RBBP6: variants seen among roughly 807,000 people sequenced by gnomAD.
RBBP6 encodes E3 ubiquitin-protein ligase RBBP6.
RBBP6 carries 25 observed loss-of-function variants against 167.7 expected under a neutral mutation model. That is an observed-to-expected ratio of 0.15 (90% CI 0.11 to 0.21). The LOEUF (loss-of-function observed/expected upper bound fraction) is 0.21. Ranked by LOEUF, RBBP6 falls within the 10% of genes least tolerant of loss-of-function variation. The pLI, the probability that RBBP6 is intolerant of heterozygous loss-of-function variation, is 1.00. For synonymous variants in RBBP6, 789 were observed against 735.8 expected, an observed-to-expected ratio of 1.07 and a Z score of -1.17; for missense variants, 1,868 against 2,134.2, an observed-to-expected ratio of 0.88 and a Z score of 2.46.
At chr16:24,541,712 C>G (rs2049127231) in intron 1 of RBBP6, among the ~76,000 whole-genome samples, 1 of 152,154 alleles carries the variant, frequency 6.6e-6, no homozygotes, top group Non-Finnish European at 1.5e-5. Flanking sequence ...TGACTCTGAA[C>G]TTGTTTTGGT....
At position 24,561,952 on chromosome 16, in the gene RBBP6, T is replaced by G; in HGVS notation, c.1080T>G (p.Ser360=). ...IQRNLQPLMR[S]PISRQQDPLM... ...GGAACCTACAACCTCTGATGAGATC[T>G]CCGATATCAAGACAACAAGATCCTC... The change falls in exon 10 of 18, where the codon TCT becomes TCG. Residue 360 remains serine, a synonymous_variant. Transcript: ENST00000319715. The G allele has an allele frequency of 6.2e-7, 1 of 1,613,252 alleles. No homozygotes were observed. Among genetic ancestry groups the G allele is most frequent in the South Asian group, 1.1e-5 (1 of 91,008 alleles).
At chr16:24,540,923 TC>T in intron 1 of RBBP6, 131 bp downstream of exon 1, 1 of 1,119,800 alleles carries the variant, frequency 8.9e-7, no homozygotes, top group South Asian at 1.9e-5. Flanking sequence ...GATACAACTT[TC>T]ATTGATAGCC....
In RBBP6 at chr16:24,552,377, C is replaced by CT. The variant is rs1295083200; in HGVS notation, c.304-1130dup. Reference sequence around the variant, plus strand: ...TCTGGAACAGAATACCTGATGAAGACTTTTTTCTTTGATCCAGACATCTTG... The same window carrying CT: ...TCTGGAACAGAATACCTGATGAAGACTTTTTTTCTTTGATCCAGACATCTTG... On this transcript the variant is annotated intron_variant, in intron 3 of 17. Transcript: ENST00000319715. Among the ~76,000 whole-genome samples the CT allele has an allele frequency of 7.2e-5, 11 of 151,816 alleles. No individual in the cohort carries two copies. The South Asian group carries it at 8.3e-4, about 11-fold the overall frequency.
Position 24,540,292 on chromosome 16 carries a change from C to T in RBBP6, c.-335C>T. The T allele has an allele frequency of 4.2e-6, 1 of 238,162 alleles. No individual in the cohort carries two copies. Among genetic ancestry groups the T allele is most frequent in the Non-Finnish European group, 8.4e-6 (1 of 119,346 alleles). 14.8% of individuals were successfully genotyped at this position (238,162 alleles called of 1,614,324 possible). ...CGTGTGGACTGACCGCTACTGACTG[C>T]ACCGCCAATCCCCCCGTCTCTGCCG... On this transcript the variant is annotated 5_prime_UTR_variant, in exon 1 of 18. Transcript: ENST00000319715.
chr16:24,568,953 C>A lies in RBBP6; in HGVS notation c.2263C>A (p.Arg755=). 6.2e-7 allele frequency: 1 copy of A among 1,614,046 alleles called. No individual in the cohort carries two copies. Among genetic ancestry groups the A allele is most frequent in the Non-Finnish European group, 8.5e-7 (1 of 1,179,896 alleles). Residue 755 remains arginine (R), a synonymous_variant, in exon 17 of 18, where the codon CGA becomes AGA. Transcript: ENST00000319715. The part of the protein sequence containing the change: ...RSRSRSHGYH[R]SRSRSPPYRR... ...ACGGTCTAGATCTCATGGATATCATCGATCTAGGTCAAGGTCACCCCCTTA... is the reference window on the plus strand; with the variant it reads ...ACGGTCTAGATCTCATGGATATCATAGATCTAGGTCAAGGTCACCCCCTTA...
intron 14 of RBBP6, among the ~76,000 whole-genome samples, chr16:24,566,176 T>A (rs1899190622): frequency 6.6e-6 from 1 of 152,346 alleles, no homozygotes; most frequent in South Asian, 2.1e-4. Flanking sequence ...TATTCATGGC[T>A]CACTGAAAAG....
chr16:24,543,608 A>G (rs1015908854), intron 1 of RBBP6, among the ~76,000 whole-genome samples: 3 of 151,942 alleles, frequency 2.0e-5, no homozygotes, highest in Non-Finnish European at 4.4e-5. Context: ...CTGGCATAGG[A>G]CCCTTAAATC....
chr16:24,561,141 C>T (rs2141470824), intron 8 of RBBP6, among the ~76,000 whole-genome samples: 1 of 152,154 alleles, frequency 6.6e-6, no homozygotes, highest in Non-Finnish European at 1.5e-5. Flanking sequence ...AAATTTTTGT[C>T]TTTCTAGACT....
rs759172306 is a variant in RBBP6 at position 24,570,363 on chromosome 16, A to G, written c.3673A>G (p.Ile1225Val). 6 of 1,613,226 alleles carry G rather than the reference A, an allele frequency of 3.7e-6. No homozygotes were observed. The highest frequency in any genetic ancestry group is 2.2e-5 in the South Asian group (2 of 90,788). Residue 1225 changes from isoleucine (I) to valine (V), a missense_variant, in exon 17 of 18, where the codon ATA becomes GTA. Transcript: ENST00000319715. The stretch of plus-strand genomic sequence containing the variant: ...GAAGAAAATTGGAAGTACAGAAAAT[A>G]TATCAAACACAAAAGAACCCTCTGA... ...TGKKIGSTEN[I>V]SNTKEPSEKL...
intron 8 of RBBP6, among the ~76,000 whole-genome samples, chr16:24,561,087 C>A (rs976796959): frequency 6.6e-6 from 1 of 152,118 alleles, no homozygotes; most frequent in Admixed American, 6.5e-5. Flanking sequence ...TGCTGTAGGT[C>A]TCTCATTTCC....
chr16:24,554,679 T>C (rs1424421591), intron 4 of RBBP6: 1 of 152,086 alleles, frequency 6.6e-6, no homozygotes, highest in Non-Finnish European at 1.5e-5. Flanking sequence ...TTTATTCTTA[T>C]GTACTGTAAG....
At chr16:24,560,482 T>C (rs1429271364) in intron 8 of RBBP6, among the ~76,000 whole-genome samples, 1 of 152,228 alleles carries the variant, frequency 6.6e-6, no homozygotes, top group African/African-American at 2.4e-5. Flanking sequence ...CACTTAGTTG[T>C]TTCCTGCCAC....
intron 2 of RBBP6, 115 bp downstream of exon 2, chr16:24,546,377 T>G: frequency 1.7e-6 from 2 of 1,206,108 alleles, no homozygotes; most frequent in South Asian, 4.1e-5. Flanking sequence ...AATGAATACA[T>G]CTTCTCAAGA....
intron 16 of RBBP6, among the ~76,000 whole-genome samples, 176 bp from the exon 17 acceptor site, chr16:24,568,569 G>A (rs112426627): frequency 4.8e-4 from 73 of 152,238 alleles, no homozygotes; most frequent in African/African-American, 1.7e-3. Context: ...TGATTGCTCC[G>A]ATTTGTGTAC....
intron 7 of RBBP6, among the ~76,000 whole-genome samples, chr16:24,557,230 C>T (rs564712998): frequency 1.4e-4 from 21 of 152,158 alleles, no homozygotes; most frequent in Non-Finnish European, 2.8e-4. Context: ...GCTCCACCCG[C>T]CTCGGCCTCT....
intron 14 of RBBP6, among the ~76,000 whole-genome samples, chr16:24,566,002 C>T (rs146418093): frequency 6.6e-6 from 1 of 152,282 alleles, no homozygotes; most frequent in Non-Finnish European, 1.5e-5. Context: ...GAAGTCAAGG[C>T]TGCAGTGAGC....
At chr16:24,559,379 T>C (rs971475232) in intron 7 of RBBP6, 126 bp from the exon 8 acceptor site, 8 of 626,918 alleles carry the variant, frequency 1.3e-5, no homozygotes, top group South Asian at 5.2e-5. Flanking sequence ...TTAGAAGATA[T>C]GGTGCTTGTC....
rs748441167 is a variant in RBBP6, at chr16:24,570,193, C to T, written c.3503C>T (p.Ser1168Leu). ...TTTGAGTCTTCTTCAATGAAAATCT[C>T]GAAACTAGAAGTGACTGAAATAGTG... ...KDFESSSMKI[S>L]KLEVTEIVKP... The change falls in exon 17 of 18, where the codon TCG becomes TTG. Residue 1168 changes from serine (S) to leucine (L), a missense_variant. Ser to Leu is a moderately radical substitution (Grantham distance 145). This residue lies in a region of RBBP6 where 673 missense variants were observed against 691.5 expected (regional missense o/e 0.97). Transcript: ENST00000319715. 3.6e-5 allele frequency: 57 copies of T among 1,601,416 alleles called. No homozygotes were observed. Among genetic ancestry groups the T allele is most frequent in the South Asian group, 2.3e-4 (20 of 87,192 alleles).
chr16:24,570,522 T>G lies in RBBP6; in HGVS notation c.3809+23T>G, dbSNP rs28451746. On this transcript the variant is annotated intron_variant, in intron 17 of 17. Transcript: ENST00000319715. ...CAGGTAGCTGAGTGTAGGGGGTGGG[T>G]GTGGAACTTTGTTGGGAGAAGGATT... 4,421 of 1,520,014 alleles carry G rather than the reference T, an allele frequency of 2.9e-3. 99 individuals carry two copies. The African/African-American group carries it at 0.051, about 18-fold the overall frequency. 94.2% of individuals were successfully genotyped at this position (1,520,014 alleles called of 1,614,324 possible).
Sources: gnomAD v4.1 joint callset for allele counts (sites outside exome capture counted in the v4.1 genomes callset) on GRCh38, gnomAD v4.1.1 for gene constraint, gnomAD v4.1.1 regional missense constraint, MANE v1.5 for transcripts, NCBI Gene and HGNC (gene_info 2026-07-23, HGNC 2026-07-21) for gene names.